APOC1: variants seen among roughly 807,000 people sequenced by gnomAD.
The protein encoded by APOC1 is apolipoprotein C-I.
In APOC1, 4 loss-of-function variants were observed where a neutral mutation model predicts 6.7. The ratio of observed to expected loss-of-function variants is 0.60; its 90% confidence interval spans 0.29 to 1.37. The LOEUF (loss-of-function observed/expected upper bound fraction) is 1.37. Ranked by LOEUF, APOC1 falls within the 40% of genes most tolerant of loss-of-function variation. APOC1 has a pLI of 0.09. For synonymous variants in APOC1, 33 were observed against 40.6 expected (o/e 0.81, Z 0.72); for missense variants, 122 against 99.4 (o/e 1.23, Z -0.97).
At chr19:44,919,096 G>T in intron 3 of APOC1, 77 bp from the exon 4 acceptor site, 5 of 1,242,622 alleles carry the variant, frequency 4.0e-6, no homozygotes, top group Non-Finnish European at 5.9e-6. Flanking sequence ...AGAGGTGGGA[G>T]TCAGGTAGCA....
At chr19:44,914,837 C>T (rs1255631008) in intron 1 of APOC1, 35 bp from the exon 2 acceptor site, 13 of 1,560,592 alleles carry the variant, frequency 8.3e-6, no homozygotes, top group African/African-American at 4.1e-5. Flanking sequence ...GAGGAGGGTG[C>T]CACTGATCCC....
Position 44,914,717 on chromosome 19 carries a change from C to T in APOC1, c.-37C>T, listed in dbSNP as rs1969972260. 3.2e-6 allele frequency: 2 copies of T among 631,142 alleles called. No homozygotes were observed. Among genetic ancestry groups the T allele is most frequent in the Middle Eastern group, 4.3e-4 (1 of 2,340 alleles). The allele number at this position is 631,142 out of a possible 1,614,324, so 39.1% of individuals were successfully genotyped here. Reference sequence around the variant, plus strand: ...CAGGACAGGACCTCCCAACCAAGCCCTCCAGCAAGGATTCAGGTTGGTGCT... The same window carrying T: ...CAGGACAGGACCTCCCAACCAAGCCTTCCAGCAAGGATTCAGGTTGGTGCT... On this transcript the variant is annotated 5_prime_UTR_variant, in exon 1 of 4. Coordinates refer to ENST00000592535, the MANE Select transcript of APOC1 (RefSeq NM_001645.5).
rs374095935 is a variant in APOC1 at position 44,917,961 on chromosome 19, G to GA, written c.195-1211dup. Among the ~76,000 whole-genome samples, 1,092 of 151,096 alleles carry GA rather than the reference G, an allele frequency of 7.2e-3. 5 individuals are homozygous for GA. The highest frequency in any genetic ancestry group is 0.012 in the Non-Finnish European group (788 of 67,814). On this transcript the variant is annotated intron_variant, in intron 3 of 3. Coordinates refer to ENST00000592535, the MANE Select transcript of APOC1 (RefSeq NM_001645.5). ...TGCACTCCAGCCTGGGCGACAAGGC[G>GA]AGACTCCATGCCAAAAAAGAAAAAA...
chr19:44,915,842 G>T (rs913309675), intron 2 of APOC1, among the ~76,000 whole-genome samples: 1 of 151,888 alleles, frequency 6.6e-6, no homozygotes, highest in Non-Finnish European at 1.5e-5. Flanking sequence ...GGAGGCACGC[G>T]CCTGTAGGCC....
At chr19:44,918,161 G>A (rs557139128) in intron 3 of APOC1, among the ~76,000 whole-genome samples, 2 of 149,942 alleles carry the variant, frequency 1.3e-5, no homozygotes, top group Non-Finnish European at 3.0e-5. Context: ...CCAGCTACTC[G>A]GGAGGCTGAG....
At chr19:44,917,816 A>C (rs1970035059) in intron 3 of APOC1, among the ~76,000 whole-genome samples, 1 of 151,862 alleles carries the variant, frequency 6.6e-6, no homozygotes. Flanking sequence ...CTCTACTAAA[A>C]ATACAAAATT....
At chr19:44,915,733 G>T (rs1273190212) in intron 2 of APOC1, among the ~76,000 whole-genome samples, 1 of 151,818 alleles carries the variant, frequency 6.6e-6, no homozygotes, top group South Asian at 2.1e-4. Context: ...TTGGGAGGCC[G>T]AGGCGGGCAG....
Position 44,919,226 on chromosome 19 carries a change from C to T in APOC1, c.248C>T (p.Ser83Leu). 3 of 1,613,928 alleles carry T rather than the reference C, an allele frequency of 1.9e-6. No individual in the cohort carries two copies. The highest frequency in any genetic ancestry group is 2.2e-5 in the South Asian group (2 of 91,068). The change falls in exon 4 of 4, where the codon TCA becomes TTA. Residue 83 changes from serine to leucine, a missense_variant. Transcript: ENST00000592535. ...GTGAAGGAGAAACTCAAGATTGACT[C>T]ATGAGGACCTGAAGGGTGACATCCC... ...QKVKEKLKID[S>L]
At position 44,914,755 on chromosome 19, in the gene APOC1, G is replaced by A; in HGVS notation, c.-21+22G>A. On this transcript the variant is annotated intron_variant, in intron 1 of 3. Transcript: ENST00000592535. ...TCAGGTTGGTGCTGAGTGCCTGGGA[G>A]GGACACCCGCCTACACTCTGCAAGA... 12 of 863,048 alleles carry A rather than the reference G, an allele frequency of 1.4e-5. No individual in the cohort carries two copies. The South Asian group carries it at 1.8e-4, about 13-fold the overall frequency. 53.5% of individuals were successfully genotyped at this position (863,048 alleles called of 1,614,324 possible). A position where few individuals can be genotyped will look rare whatever the true frequency, so the allele number is the denominator to read the frequency against.
At chr19:44,914,519 G>A (rs531746565), upstream of APOC1, 1 of 246,946 alleles carries the variant, frequency 4.0e-6, no homozygotes, top group African/African-American at 2.2e-5. Flanking sequence ...AGGGGCTTTG[G>A]GGCTAAGGGA....
chr19:44,915,094 C>G, intron 2 of APOC1, 145 bp downstream of exon 2: 2 of 784,856 alleles, frequency 2.5e-6, no homozygotes, highest in Non-Finnish European at 4.3e-6. Flanking sequence ...GGGTGGGTCT[C>G]CAGGTTCTCC....
intron 3 of APOC1, among the ~76,000 whole-genome samples, chr19:44,917,121 C>A (rs1568622825): frequency 6.6e-6 from 1 of 152,154 alleles, no homozygotes; most frequent in Non-Finnish European, 1.5e-5. Flanking sequence ...CTCCTATAAA[C>A]TGGTGGTTCT....
intron 3 of APOC1, 83 bp from the exon 4 acceptor site, chr19:44,919,090 G>T: frequency 8.5e-7 from 1 of 1,176,020 alleles, no homozygotes; most frequent in Non-Finnish European, 1.3e-6. Flanking sequence ...AGGGGAAGAG[G>T]TGGGAGTCAG....
intron 2 of APOC1, chr19:44,915,172 C>G: frequency 1.7e-6 from 1 of 588,120 alleles, no homozygotes; most frequent in East Asian, 2.9e-5. Flanking sequence ...TATTGAGGCC[C>G]ACACCTCTGG....
intron 3 of APOC1, among the ~76,000 whole-genome samples, chr19:44,918,669 G>A (rs112528434): frequency 4.1e-5 from 6 of 146,646 alleles, no homozygotes; most frequent in African/African-American, 1.3e-4. Context: ...GAGCCACGGC[G>A]CCCGGCCTTA....
chr19:44,917,001 T>C (rs927907058), intron 3 of APOC1, among the ~76,000 whole-genome samples: 2 of 147,004 alleles, frequency 1.4e-5, no homozygotes, highest in African/African-American at 5.0e-5. Context: ...TTTTGTGAGG[T>C]AATGAAAATG....
intron 3 of APOC1, among the ~76,000 whole-genome samples, chr19:44,916,846 T>C (rs977765044): frequency 2.7e-5 from 4 of 147,024 alleles, no homozygotes; most frequent in Non-Finnish European, 6.0e-5. Context: ...CAAGATGGTC[T>C]TGCCCAGGTA....
rs369495091 is a variant in APOC1 at position 44,918,951 on chromosome 19, C to A, written c.195-222C>A. ...TGGGATTACAGGCGTGAGCCAAATG[C>A]CCAGCCAAGGGTAAAGTGTTTAGAC... On this transcript the variant is annotated intron_variant, in intron 3 of 3. Transcript: ENST00000592535. 81 of 573,196 alleles carry A rather than the reference C, an allele frequency of 1.4e-4. 1 individual carries two copies. The highest frequency in any genetic ancestry group is 1.1e-3 in the South Asian group (45 of 41,710). 35.5% of individuals were successfully genotyped at this position (573,196 alleles called of 1,614,324 possible). A position where few individuals can be genotyped will look rare whatever the true frequency, so the allele number is the denominator to read the frequency against.
chr19:44,916,584 G>A (rs937124354), intron 3 of APOC1: 9 of 540,920 alleles, frequency 1.7e-5, no homozygotes, highest in African/African-American at 8.0e-5. Flanking sequence ...TAGGGAGGCC[G>A]AGGTGGGCTG....
Sources: gnomAD v4.1 joint callset for allele counts (sites outside exome capture counted in the v4.1 genomes callset) on GRCh38, gnomAD v4.1.1 for gene constraint, MANE v1.5 for transcripts, NCBI Gene and HGNC (gene_info 2026-07-23, HGNC 2026-07-21) for gene names.